The following CEP63 variants were observed in gnomAD, a reference collection of about 807,000 sequenced individuals.
The protein encoded by CEP63 is centrosomal protein 63.
A neutral mutation model predicts 89.1 loss-of-function variants in CEP63; 84 were observed. That is an observed-to-expected ratio of 0.94 (90% CI 0.79 to 1.13). CEP63 has a LOEUF of 1.13. Ranked by LOEUF, CEP63 falls within the 50% of genes most tolerant of loss-of-function variation. CEP63 has a pLI of 0.00. For missense variants in CEP63, 838 were observed against 813.3 expected (o/e 1.03, Z -0.37); for synonymous variants, 267 against 272.5 (o/e 0.98, Z 0.20).
intron 3 of CEP63, among the ~76,000 whole-genome samples, chr3:134,519,612 C>G (rs575064482): frequency 5.3e-5 from 8 of 152,250 alleles, no homozygotes; most frequent in Non-Finnish European, 1.2e-4. Context: ...GCATCATAAT[C>G]TTTATTTCAA....
At chr3:134,686,369 C>T in the CEP63 span, among the ~76,000 whole-genome samples, 1 of 152,172 alleles carries the variant, frequency 6.6e-6, no homozygotes, top group Non-Finnish European at 1.5e-5. Flanking sequence ...ACTGAGCATG[C>T]ACACCTGTTT....
the CEP63 span, among the ~76,000 whole-genome samples, chr3:134,598,979 C>T: frequency 2.0e-5 from 3 of 152,238 alleles, no homozygotes; most frequent in African/African-American, 7.2e-5. Context: ...CCCTTGCCCT[C>T]AGGCAAGAGA....
chr3:134,492,043 C>T (rs183291549), intron 1 of CEP63, among the ~76,000 whole-genome samples: 2 of 150,484 alleles, frequency 1.3e-5, no homozygotes, highest in East Asian at 3.9e-4. Flanking sequence ...CAAAGATTTG[C>T]CTATTATAAG....
At chr3:134,744,738 G>A in the CEP63 span, among the ~76,000 whole-genome samples, 1 of 152,038 alleles carries the variant, frequency 6.6e-6, no homozygotes, top group African/African-American at 2.4e-5. Context: ...GGCTGGTCTT[G>A]AACTCCTGGG....
At chr3:134,569,940 C>A (rs1957947955), downstream of CEP63, among the ~76,000 whole-genome samples, 1 of 152,222 alleles carries the variant, frequency 6.6e-6, no homozygotes, top group Non-Finnish European at 1.5e-5. Context: ...AGGACTAACA[C>A]CACATGGAAT....
chr3:134,532,963 TC>T, intron 5 of CEP63, 63 bp downstream of exon 5: 1 of 1,567,890 alleles, frequency 6.4e-7, no homozygotes, highest in Non-Finnish European at 8.8e-7. Context: ...AAATGCGGTT[TC>T]TAATGGCACT....
the CEP63 span, among the ~76,000 whole-genome samples, chr3:134,596,759 T>C: frequency 7.2e-5 from 11 of 152,184 alleles, no homozygotes. Context: ...ATTCACATCC[T>C]AGGGGCAGAA....
chr3:134,534,723 C>G (rs1176202141), intron 5 of CEP63, among the ~76,000 whole-genome samples: 1 of 152,158 alleles, frequency 6.6e-6, no homozygotes, highest in African/African-American at 2.4e-5. Context: ...ACTGTCTGTT[C>G]TCACTTTAAA....
At chr3:134,711,582 C>T in the CEP63 span, among the ~76,000 whole-genome samples, 1 of 152,138 alleles carries the variant, frequency 6.6e-6, no homozygotes, top group Admixed American at 6.5e-5. Context: ...CTTTGAGACT[C>T]TGAATGTTTG....
chr3:134,635,826 T>C, the CEP63 span, among the ~76,000 whole-genome samples: 5 of 152,162 alleles, frequency 3.3e-5, no homozygotes, highest in Admixed American at 1.3e-4. Context: ...CAGAACGATA[T>C]AAAGCAGAAA....
At chr3:134,653,180 G>C in the CEP63 span, among the ~76,000 whole-genome samples, 1 of 152,244 alleles carries the variant, frequency 6.6e-6, no homozygotes, top group African/African-American at 2.4e-5. Context: ...TTTTGAGCCA[G>C]ATAATTCTCT....
chr3:134,725,551 A>G, the CEP63 span, among the ~76,000 whole-genome samples: 1 of 152,218 alleles, frequency 6.6e-6, no homozygotes, highest in Admixed American at 6.5e-5. Flanking sequence ...CAAGCTAACA[A>G]TATGGATTTT....
the CEP63 span, among the ~76,000 whole-genome samples, chr3:134,653,094 G>A: frequency 1.3e-5 from 2 of 152,330 alleles, no homozygotes; most frequent in African/African-American, 2.4e-5. Flanking sequence ...GGGAAATGGT[G>A]TGGAGGCCTC....
chr3:134,521,710 C>A (rs1275569054), intron 3 of CEP63, among the ~76,000 whole-genome samples: 1 of 152,122 alleles, frequency 6.6e-6, no homozygotes, highest in Non-Finnish European at 1.5e-5. Flanking sequence ...TCATTAACAG[C>A]TAATATTCTC....
intron 3 of CEP63, among the ~76,000 whole-genome samples, chr3:134,522,930 T>G (rs1197221705): frequency 6.6e-6 from 1 of 152,122 alleles, no homozygotes; most frequent in Non-Finnish European, 1.5e-5. Flanking sequence ...GTAATGGGAT[T>G]GCTGGGTTGA....
In CEP63 at chr3:134,561,411, C is replaced by A; in HGVS notation, c.1988C>A (p.Ala663Asp). 1 of 1,613,980 alleles carries A rather than the reference C, an allele frequency of 6.2e-7. No homozygotes were observed. The highest frequency in any genetic ancestry group is 8.5e-7 in the Non-Finnish European group (1 of 1,179,946). The change falls in exon 15 of 15, where the codon GCT becomes GAT. Residue 663 changes from alanine (A) to aspartate (D), a missense_variant. Transcript: ENST00000675561. ...SLPVSPLGSIATRFLEEEELR... is the reference protein window; with the variant it reads ...SLPVSPLGSIDTRFLEEEELR... ...CCTGTATCTCCCCTTGGTTCAATAGCTACCAGATTTTTGGAAGAGGAGGAA... is the reference window on the plus strand; with the variant it reads ...CCTGTATCTCCCCTTGGTTCAATAGATACCAGATTTTTGGAAGAGGAGGAA...
At chr3:134,733,954 G>A in the CEP63 span, among the ~76,000 whole-genome samples, 1 of 152,138 alleles carries the variant, frequency 6.6e-6, no homozygotes, top group East Asian at 1.9e-4. Flanking sequence ...AAAACTAGAG[G>A]CATTCCCGCT....
chr3:134,493,479 T>G (rs1374559638), intron 1 of CEP63, among the ~76,000 whole-genome samples: 1 of 151,922 alleles, frequency 6.6e-6, no homozygotes, highest in Non-Finnish European at 1.5e-5. Context: ...ATGGGAACCT[T>G]TTTCTTTAGG....
the CEP63 span, among the ~76,000 whole-genome samples, chr3:134,596,193 A>T: frequency 6.6e-6 from 1 of 152,168 alleles, no homozygotes; most frequent in African/African-American, 2.4e-5. Context: ...TGGAGCGGGA[A>T]CAAATCTAGA....
Sources: gnomAD v4.1 joint callset for allele counts (sites outside exome capture counted in the v4.1 genomes callset) on GRCh38, gnomAD v4.1.1 for gene constraint, MANE v1.5 for transcripts, NCBI Gene and HGNC (gene_info 2026-07-23, HGNC 2026-07-21) for gene names.